ENOX2: variants seen among roughly 807,000 people sequenced by gnomAD.
ENOX2 encodes the protein ecto-NOX disulfide-thiol exchanger 2.
Under a neutral mutation model 45.0 loss-of-function variants are expected in ENOX2, and 36 were observed. The ratio of observed to expected loss-of-function variants is 0.80; its 90% CI spans 0.61 to 1.06. ENOX2 has a LOEUF of 1.06. ENOX2 is among the 50% of genes least tolerant of loss of function. The probability of loss-of-function intolerance (pLI) is 0.00; values close to 1 mark genes in which losing one functional copy is unlikely to be tolerated. For synonymous variants in ENOX2, 174 were observed against 152.3 expected (o/e 1.14, Z -1.05); for missense variants, 423 against 462.5 (o/e 0.91, Z 0.78).
chrX:130,796,299 C>T (rs1478452113), intron 2 of ENOX2, among the ~76,000 whole-genome samples: 5 of 111,396 alleles, frequency 4.5e-5, no homozygotes, highest in Non-Finnish European at 9.4e-5. Context: ...TGAAAAAATT[C>T]TTAAGCCACA....
chrX:130,632,599 C>T (rs974490362), intron 12 of ENOX2, among the ~76,000 whole-genome samples: 2 of 111,905 alleles, frequency 1.8e-5, no homozygotes, highest in African/African-American at 6.5e-5. Context: ...GGGGGCAGAT[C>T]ATGGCTGACT....
intron 3 of ENOX2, among the ~76,000 whole-genome samples, chrX:130,751,062 A>G (rs1020237214): frequency 1.5e-4 from 17 of 111,297 alleles, no homozygotes; most frequent in African/African-American, 5.6e-4. Flanking sequence ...TCACAATGTC[A>G]CCATTTTAAA....
intron 2 of ENOX2, among the ~76,000 whole-genome samples, chrX:130,865,040 A>ATT (rs59866457): frequency 1.2e-3 from 111 of 94,561 alleles, no homozygotes; most frequent in Admixed American, 5.2e-3. Flanking sequence ...TTGGACACAG[A>ATT]TTTTTTTTTT....
intron 12 of ENOX2, among the ~76,000 whole-genome samples, chrX:130,634,404 T>A (rs951111470): frequency 8.9e-6 from 1 of 111,827 alleles, no homozygotes; most frequent in African/African-American, 3.3e-5. Context: ...CTGGTCCTCA[T>A]TGGTGGTTCT....
At chrX:130,847,518 A>G (rs2078130321) in intron 2 of ENOX2, among the ~76,000 whole-genome samples, 1 of 111,911 alleles carries the variant, frequency 8.9e-6, no homozygotes, top group Admixed American at 9.5e-5. Context: ...CCTCTAAGGA[A>G]AAAAGGCCAG....
At chrX:130,645,810 T>C in intron 10 of ENOX2, 1 of 772,017 alleles carries the variant, frequency 1.3e-6, no homozygotes. Flanking sequence ...GCTTGTCTAC[T>C]TCCTCAGCAC....
At chrX:130,710,644 G>A (rs2038164851) in intron 3 of ENOX2, among the ~76,000 whole-genome samples, 1 of 111,858 alleles carries the variant, frequency 8.9e-6, no homozygotes, top group South Asian at 3.7e-4. Context: ...TCTTACTGGA[G>A]AACGCCTTAT....
intron 2 of ENOX2, among the ~76,000 whole-genome samples, chrX:130,808,440 G>A (rs766383935): frequency 2.4e-4 from 27 of 111,260 alleles, no homozygotes; most frequent in Non-Finnish European, 4.9e-4. Flanking sequence ...AAAGGTAAAT[G>A]GCATAAAATA....
intron 2 of ENOX2, among the ~76,000 whole-genome samples, chrX:130,811,719 T>G (rs1158216906): frequency 8.9e-6 from 1 of 112,660 alleles, no homozygotes; most frequent in Non-Finnish European, 1.9e-5. Flanking sequence ...ACTCTAAAGA[T>G]ATAAAGATTT....
intron 2 of ENOX2, among the ~76,000 whole-genome samples, chrX:130,836,149 G>A (rs1027565277): frequency 7.1e-5 from 8 of 112,168 alleles, no homozygotes; most frequent in African/African-American, 9.7e-5. Context: ...CCAGAATCAC[G>A]GGATTTCTGA....
intron 3 of ENOX2, among the ~76,000 whole-genome samples, chrX:130,752,035 C>A (rs2039233276): frequency 9.0e-6 from 1 of 111,626 alleles, no homozygotes; most frequent in African/African-American, 3.3e-5. Flanking sequence ...CTATGTCTTT[C>A]TGATAGATTG....
intron 2 of ENOX2, among the ~76,000 whole-genome samples, chrX:130,810,224 C>A (rs1201994064): frequency 9.0e-6 from 1 of 110,684 alleles, no homozygotes; most frequent in African/African-American, 3.3e-5. Context: ...TCCCATGGAC[C>A]CAGACTTTAG....
intron 2 of ENOX2, among the ~76,000 whole-genome samples, chrX:130,820,367 ATAAAT>A (rs987094007): frequency 5.3e-4 from 60 of 112,247 alleles, no homozygotes; most frequent in African/African-American, 1.7e-3. Flanking sequence ...TGGTGGTAAT[ATAAAT>A]TAGTATAGCC....
At chrX:130,755,865 C>G (rs1335183613) in intron 3 of ENOX2, among the ~76,000 whole-genome samples, 1 of 110,647 alleles carries the variant, frequency 9.0e-6, no homozygotes, top group Non-Finnish European at 1.9e-5. Flanking sequence ...ATCCTCCCCT[C>G]CACCCCACCA....
At chrX:130,726,523 T>C (rs950960329) in intron 3 of ENOX2, among the ~76,000 whole-genome samples, 1 of 112,731 alleles carries the variant, frequency 8.9e-6, no homozygotes, top group Non-Finnish European at 1.9e-5. Flanking sequence ...ATGCAATAGA[T>C]GAGCCAAACA....
chrX:130,699,707 G>C (rs192473341), intron 4 of ENOX2, among the ~76,000 whole-genome samples: 35 of 111,649 alleles, frequency 3.1e-4, no homozygotes, highest in Non-Finnish European at 5.1e-4. Flanking sequence ...TTGGAGTGTC[G>C]TGCCAACCTT....
chrX:130,815,825 A>C (rs2077473704), intron 2 of ENOX2, among the ~76,000 whole-genome samples: 1 of 111,992 alleles, frequency 8.9e-6, no homozygotes. Context: ...AACACTATGA[A>C]GACACTGCAT....
At chrX:130,885,316 T>C (rs2078882422) in intron 2 of ENOX2, among the ~76,000 whole-genome samples, 1 of 111,188 alleles carries the variant, frequency 9.0e-6, no homozygotes, top group Non-Finnish European at 1.9e-5. Flanking sequence ...TAATGTAACC[T>C]GTAAGTTTAG....
intron 2 of ENOX2, among the ~76,000 whole-genome samples, chrX:130,809,364 C>T (rs985733270): frequency 8.9e-6 from 1 of 112,077 alleles, no homozygotes; most frequent in Non-Finnish European, 1.9e-5. Context: ...AGAAAGTTTA[C>T]AGTATACTAC....
Sources: gnomAD v4.1 joint callset for allele counts (sites outside exome capture counted in the v4.1 genomes callset) on GRCh38, gnomAD v4.1.1 for gene constraint, MANE v1.5 for transcripts, NCBI Gene and HGNC (gene_info 2026-07-23, HGNC 2026-07-21) for gene names.